The following GPC5 variants were observed in gnomAD, a reference collection of about 807,000 sequenced individuals.
GPC5 encodes the protein glypican 5.
In GPC5, 47 loss-of-function variants were observed where a neutral mutation model predicts 53.9. That is an observed-to-expected ratio of 0.87 (90% CI 0.69 to 1.11). GPC5 has a LOEUF of 1.11. Ranked by LOEUF, GPC5 falls within the 50% of genes most tolerant of loss-of-function variation. GPC5 has a pLI of 0.00. For synonymous variants in GPC5, 286 were observed against 263.3 expected, an observed-to-expected ratio of 1.09 and a Z score of -0.84; for missense variants, 748 against 713.1, an observed-to-expected ratio of 1.05 and a Z score of -0.56.
intron 7 of GPC5, among the ~76,000 whole-genome samples, chr13:92,575,774 T>C (rs1164617065): frequency 1.3e-5 from 2 of 152,154 alleles, no homozygotes; most frequent in Non-Finnish European, 2.9e-5. Flanking sequence ...TGCAATGAAA[T>C]TTTTAAAATA....
At chr13:92,518,651 C>G (rs561605595) in intron 7 of GPC5, among the ~76,000 whole-genome samples, 2 of 152,316 alleles carry the variant, frequency 1.3e-5, no homozygotes, top group African/African-American at 4.8e-5. Context: ...AAAGGAACAA[C>G]CAATAACAGC....
At chr13:91,962,624 A>G (rs1277747268) in intron 6 of GPC5, among the ~76,000 whole-genome samples, 2 of 152,140 alleles carry the variant, frequency 1.3e-5, no homozygotes, top group East Asian at 1.9e-4. Context: ...TGAAATTTCC[A>G]TTATGACTCA....
At chr13:91,729,829 G>A (rs78061969) in intron 4 of GPC5, among the ~76,000 whole-genome samples, 2,212 of 152,160 alleles carry the variant, frequency 0.015, 28 homozygotes, top group Middle Eastern at 0.058. Context: ...TATTTCACCA[G>A]CAAAACAACC....
At chr13:92,295,249 AT>A (rs1199767135) in intron 7 of GPC5, among the ~76,000 whole-genome samples, 1 of 152,142 alleles carries the variant, frequency 6.6e-6, no homozygotes, top group African/African-American at 2.4e-5. Flanking sequence ...AAGTTTTTAA[AT>A]TTCTATCCTG....
At chr13:91,917,007 A>T (rs1378097353) in intron 6 of GPC5, among the ~76,000 whole-genome samples, 1 of 152,138 alleles carries the variant, frequency 6.6e-6, no homozygotes, top group East Asian at 1.9e-4. Context: ...TTCAAAACAC[A>T]ATCATGCCTT....
At chr13:91,721,109 CTTTCTTTCTTT>C (rs2036459765) in intron 3 of GPC5, among the ~76,000 whole-genome samples, 1 of 112,784 alleles carries the variant, frequency 8.9e-6, no homozygotes, top group African/African-American at 3.4e-5. Context: ...TTCTTTCTTT[CTTTCTTTCTTT>C]CTTTCTTTCT....
chr13:91,947,657 C>CAGTGGCATAGTGAGGAAAG (rs1230185747), intron 6 of GPC5, among the ~76,000 whole-genome samples: 2 of 152,188 alleles, frequency 1.3e-5, no homozygotes, highest in Non-Finnish European at 2.9e-5. Flanking sequence ...ACTGAGGAAA[C>CAGTGGCATAGTGAGGAAAG]AGTGGCATAG....
chr13:91,498,416 G>A (rs575907727), intron 2 of GPC5, among the ~76,000 whole-genome samples: 11 of 152,106 alleles, frequency 7.2e-5, no homozygotes, highest in East Asian at 5.8e-4. Context: ...TGTGGGCTGG[G>A]AACTGGTTGA....
intron 6 of GPC5, among the ~76,000 whole-genome samples, chr13:91,948,089 G>A (rs2039990163): frequency 1.3e-5 from 2 of 151,846 alleles, no homozygotes; most frequent in South Asian, 4.2e-4. Flanking sequence ...ATTGCCAGGT[G>A]TGGTGGCGGG....
chr13:92,000,981 G>C (rs1293536610), intron 6 of GPC5, among the ~76,000 whole-genome samples: 3 of 150,150 alleles, frequency 2.0e-5, no homozygotes, highest in Non-Finnish European at 4.4e-5. Context: ...GTGAAGAGAT[G>C]GCCTTAGCTG....
At chr13:91,475,054 T>C (rs1216478847) in intron 2 of GPC5, among the ~76,000 whole-genome samples, 1 of 152,212 alleles carries the variant, frequency 6.6e-6, no homozygotes, top group Non-Finnish European at 1.5e-5. Flanking sequence ...TTAAAAATAT[T>C]CTGAGTAGAC....
chr13:92,079,031 A>C (rs1313827235), intron 6 of GPC5, among the ~76,000 whole-genome samples: 1 of 151,706 alleles, frequency 6.6e-6, no homozygotes, highest in Non-Finnish European at 1.5e-5. Context: ...CTTCTTTCTC[A>C]GGATGTTACT....
At chr13:91,823,124 A>G (rs532337683) in intron 5 of GPC5, among the ~76,000 whole-genome samples, 1 of 152,252 alleles carries the variant, frequency 6.6e-6, no homozygotes, top group South Asian at 2.1e-4. Flanking sequence ...TAAAGTATGT[A>G]TTAATAGTAA....
chr13:91,860,575 C>A (rs1309411699), intron 5 of GPC5, among the ~76,000 whole-genome samples: 3 of 145,858 alleles, frequency 2.1e-5, no homozygotes, highest in South Asian at 2.1e-4. Flanking sequence ...ATTGGCGTGA[C>A]CTTGGCTCAC....
At chr13:92,529,013 C>T (rs1031263465) in intron 7 of GPC5, among the ~76,000 whole-genome samples, 1 of 152,022 alleles carries the variant, frequency 6.6e-6, no homozygotes, top group African/African-American at 2.4e-5. Flanking sequence ...ATCCATTTTA[C>T]ATTGGAAAAA....
At chr13:92,196,710 G>A (rs1317203967) in intron 7 of GPC5, among the ~76,000 whole-genome samples, 1 of 152,166 alleles carries the variant, frequency 6.6e-6, no homozygotes, top group Admixed American at 6.5e-5. Flanking sequence ...AACATCAAAA[G>A]CTGTAACTCT....
intron 5 of GPC5, among the ~76,000 whole-genome samples, chr13:91,848,465 A>G (rs1303517890): frequency 2.6e-5 from 4 of 152,180 alleles, no homozygotes; most frequent in Admixed American, 1.3e-4. Context: ...AGACATACCT[A>G]TGGGAATATG....
chr13:92,290,076 G>A (rs1376556934), intron 7 of GPC5, among the ~76,000 whole-genome samples: 1 of 152,054 alleles, frequency 6.6e-6, no homozygotes, highest in Admixed American at 6.6e-5. Context: ...TATTCAACTG[G>A]CAATTATGGG....
chr13:92,102,644 G>C (rs991590690), intron 6 of GPC5, among the ~76,000 whole-genome samples: 2 of 152,164 alleles, frequency 1.3e-5, no homozygotes, highest in Non-Finnish European at 2.9e-5. Context: ...TATAAGGATG[G>C]GCTTTCATAG....
Sources: allele counts gnomAD v4.1 joint callset (sites outside exome capture counted in the v4.1 genomes callset), GRCh38; gene constraint gnomAD v4.1.1; transcripts MANE v1.5; gene names NCBI Gene and HGNC (gene_info 2026-07-23, HGNC 2026-07-21).